Variants in NREP observed in about 807,000 individuals in gnomAD.
NREP encodes neuronal regeneration related protein, also known as neuronal regeneration-related protein.
A neutral mutation model predicts 8.6 loss-of-function variants in NREP; 5 were observed. The observed-to-expected ratio is 0.58, with a 90% CI of 0.30 to 1.22. The LOEUF is 1.22. Ranked by LOEUF, NREP falls within the 50% of genes most tolerant of loss-of-function variation. The pLI is 0.07. For synonymous variants in NREP, 27 were observed against 28.0 expected (o/e 0.96, Z 0.11); for missense variants, 86 against 82.5 (o/e 1.04, Z -0.17).
At chr5:111,857,123 T>C (rs1753443415) in intron 2 of NREP, among the ~76,000 whole-genome samples, 1 of 152,130 alleles carries the variant, frequency 6.6e-6, no homozygotes. Context: ...TTGTGCTTGA[T>C]TTACAAATGG....
chr5:111,935,623 A>C (rs1755661846), intron 2 of NREP, among the ~76,000 whole-genome samples: 1 of 152,142 alleles, frequency 6.6e-6, no homozygotes, highest in Admixed American at 6.5e-5. Flanking sequence ...ATTAAGTTTG[A>C]ATATAGACAA....
At chr5:111,963,331 A>G (rs915728562) in intron 2 of NREP, among the ~76,000 whole-genome samples, 2 of 152,244 alleles carry the variant, frequency 1.3e-5, no homozygotes, top group Non-Finnish European at 2.9e-5. Context: ...AAGTCCAACA[A>G]TGGGGTCCAG....
rs530657216 is a variant in NREP at position 111,744,378 on chromosome 5, G to T, written c.4-8871C>A. 3.3e-5 allele frequency among the ~76,000 whole-genome samples: 5 copies of T among 151,952 alleles called. No individual in the cohort carries two copies. The East Asian group carries it at 9.7e-4, about 29-fold the overall frequency. ...TTGCAGATGGATGTAATTAAAATTG[G>T]TGTAAATCACAGGGTACAGAATTCT... On this transcript the variant is annotated intron_variant, in intron 2 of 3. Transcript: ENST00000257435.
intron 2 of NREP, among the ~76,000 whole-genome samples, chr5:111,800,699 T>C (rs1051572517): frequency 8.5e-5 from 13 of 152,158 alleles, no homozygotes; most frequent in African/African-American, 3.1e-4. Context: ...CCAGAAAATC[T>C]CTCCATAAAG....
chr5:111,916,356 T>C (rs1429337434), intron 2 of NREP, among the ~76,000 whole-genome samples: 1 of 151,834 alleles, frequency 6.6e-6, no homozygotes, highest in East Asian at 1.9e-4. Flanking sequence ...AGCTACAGCA[T>C]ATATGGCCAG....
At chr5:111,753,959 T>C (rs935911593) in intron 2 of NREP, among the ~76,000 whole-genome samples, 2 of 152,134 alleles carry the variant, frequency 1.3e-5, no homozygotes, top group African/African-American at 4.8e-5. Context: ...CAAGACTTTC[T>C]GGAAAAAGAG....
At chr5:111,941,379 G>A (rs1013185705) in intron 2 of NREP, among the ~76,000 whole-genome samples, 1 of 152,018 alleles carries the variant, frequency 6.6e-6, no homozygotes, top group African/African-American at 2.4e-5. Flanking sequence ...TTATAGTTCT[G>A]GAGGCTACAA....
In NREP at chr5:111,729,483, T is replaced by G. The variant is rs1265277717; in HGVS notation, c.*1438A>C. On this transcript the variant is annotated 3_prime_UTR_variant, in exon 4 of 4. Coordinates refer to ENST00000257435, the MANE Select transcript of NREP (RefSeq NM_004772.4). ...GCAGAATACTGTTTTCTTGCTCTAT[T>G]TACACAGCTGATATACCTATTCTAA... 6 of 152,662 alleles carry G rather than the reference T, an allele frequency of 3.9e-5. No homozygotes were observed. The highest frequency in any genetic ancestry group is 1.5e-5 in the Non-Finnish European group (1 of 68,054). 9.5% of individuals were successfully genotyped at this position (152,662 alleles called of 1,614,324 possible).
chr5:111,891,318 T>G (rs1015643767), intron 2 of NREP, among the ~76,000 whole-genome samples: 12 of 152,236 alleles, frequency 7.9e-5, no homozygotes, highest in African/African-American at 2.9e-4. Context: ...CCATCTGAGA[T>G]TTCATCAACC....
intron 2 of NREP, among the ~76,000 whole-genome samples, chr5:111,855,994 G>C (rs1753418677): frequency 6.6e-6 from 1 of 152,180 alleles, no homozygotes; most frequent in African/African-American, 2.4e-5. Flanking sequence ...GACAGACCCT[G>C]GGTGGGCCAG....
At chr5:111,976,688 C>T in intron 1 of NREP, 3 of 1,545,138 alleles carry the variant, frequency 1.9e-6, no homozygotes, top group Non-Finnish European at 2.6e-6. Context: ...TATGCATACA[C>T]AGTAAGTTAT....
At chr5:111,919,087 T>G (rs756500608) in intron 2 of NREP, among the ~76,000 whole-genome samples, 4 of 149,768 alleles carry the variant, frequency 2.7e-5, no homozygotes, top group African/African-American at 9.7e-5. Context: ...GAACGGACAC[T>G]TCTCAAAAGA....
chr5:111,776,140 T>G (rs1751351684), intron 2 of NREP, among the ~76,000 whole-genome samples: 1 of 152,168 alleles, frequency 6.6e-6, no homozygotes, highest in Non-Finnish European at 1.5e-5. Context: ...AATTTGGTCA[T>G]ATAGACTCAC....
At chr5:111,877,859 C>A (rs1222497023) in intron 2 of NREP, among the ~76,000 whole-genome samples, 1 of 152,192 alleles carries the variant, frequency 6.6e-6, no homozygotes, top group Non-Finnish European at 1.5e-5. Flanking sequence ...CCCCCCTCAC[C>A]AACTAGTGTT....
At chr5:111,888,650 G>C (rs1480282824) in intron 2 of NREP, among the ~76,000 whole-genome samples, 1 of 152,140 alleles carries the variant, frequency 6.6e-6, no homozygotes, top group East Asian at 1.9e-4. Flanking sequence ...ACTAGGTAAT[G>C]GGTTGCAATG....
At chr5:111,919,446 A>C (rs61169291) in intron 2 of NREP, among the ~76,000 whole-genome samples, 9,715 of 152,140 alleles carry the variant, frequency 0.064, 713 homozygotes, top group East Asian at 0.23. Flanking sequence ...CAGCACTATT[A>C]ACAACAGCAA....
At chr5:111,782,061 A>G (rs565527973) in intron 2 of NREP, among the ~76,000 whole-genome samples, 1 of 152,338 alleles carries the variant, frequency 6.6e-6, no homozygotes, top group African/African-American at 2.4e-5. Flanking sequence ...TGTGTCTGGT[A>G]CAAAATAAAC....
chr5:111,843,328 G>C (rs906106399), intron 2 of NREP, among the ~76,000 whole-genome samples: 1 of 151,738 alleles, frequency 6.6e-6, no homozygotes, highest in African/African-American at 2.4e-5. Context: ...TAAGTTTACT[G>C]TGGAAGTATT....
At chr5:111,846,420 C>CTTTTTTATTTTTTTTTTTTTTTTTTTT (rs1753169765) in intron 2 of NREP, 1 of 44,414 alleles carries the variant, frequency 2.3e-5, no homozygotes, top group Non-Finnish European at 4.2e-5. Context: ...TTTTTGTTTG[C>CTTTTTTATTTTTTTTTTTTTTTTTTTT]TTTTTTTTTT....
Sources: gnomAD v4.1 joint callset for allele counts (sites outside exome capture counted in the v4.1 genomes callset) on GRCh38, gnomAD v4.1.1 for gene constraint, MANE v1.5 for transcripts, NCBI Gene and HGNC (gene_info 2026-07-23, HGNC 2026-07-21) for gene names.